COL14A1: variants seen among roughly 807,000 people sequenced by gnomAD.
COL14A1 encodes the protein collagen alpha-1(XIV) chain.
COL14A1 carries 136 observed loss-of-function variants against 230.3 expected under a neutral mutation model. That is an observed-to-expected ratio of 0.59 (90% CI 0.51 to 0.68). The LOEUF is 0.68. COL14A1 is among the 30% of genes least tolerant of loss of function. COL14A1 has a pLI of 0.00. For synonymous variants in COL14A1, 792 were observed against 784.1 expected, an observed-to-expected ratio of 1.01 and a Z score of -0.17; for missense variants, 1,976 against 2,215.8, an observed-to-expected ratio of 0.89 and a Z score of 2.17.
chr8:120,355,699 G>A (rs1335218929), intron 45 of COL14A1, among the ~76,000 whole-genome samples: 2 of 152,048 alleles, frequency 1.3e-5, no homozygotes, highest in Non-Finnish European at 2.9e-5. Context: ...GGGATTACAG[G>A]CATGATCCAC....
chr8:120,321,827 A>G (rs1277207207), intron 40 of COL14A1, among the ~76,000 whole-genome samples: 1 of 152,114 alleles, frequency 6.6e-6, no homozygotes, highest in African/African-American at 2.4e-5. Context: ...GTTTTAATAT[A>G]CAGATTCCTG....
At chr8:120,285,146 G>A (rs1423323401) in intron 32 of COL14A1, among the ~76,000 whole-genome samples, 3 of 151,964 alleles carry the variant, frequency 2.0e-5, no homozygotes, top group African/African-American at 7.2e-5. Flanking sequence ...GTTGGTTGCT[G>A]CAGTGGGTTA....
Position 120,315,995 on chromosome 8 carries a change from A to G in COL14A1, c.4657A>G (p.Arg1553Gly). Residue 1553 changes from arginine to glycine, a missense_variant and splice_region_variant, in exon 40 of 48, where the codon AGG becomes GGG. By Grantham distance (125) the Arg-to-Gly change is moderately radical (BLOSUM62 -2). This residue lies in a region of COL14A1 where 1,791 missense variants were observed against 2,019.5 expected (regional missense o/e 0.89). Coordinates refer to ENST00000297848, the MANE Select transcript of COL14A1 (RefSeq NM_021110.4). Reference sequence around the variant, plus strand: ...AGGACGTGATGGCTCACCAGGCCAGAGGGTAAGGTCTTGCCCAAGGTTGGT... The same window carrying G: ...AGGACGTGATGGCTCACCAGGCCAGGGGGTAAGGTCTTGCCCAAGGTTGGT... ...SPGRDGSPGQRGLPGKDGSSG... is the reference protein window; with the variant it reads ...SPGRDGSPGQGGLPGKDGSSG... The G allele has an allele frequency of 6.2e-7, 1 of 1,614,074 alleles. No individual in the cohort carries two copies. Among genetic ancestry groups the G allele is most frequent in the Non-Finnish European group, 8.5e-7 (1 of 1,179,976 alleles).
At chr8:120,172,654 C>G (rs1323081189) in intron 5 of COL14A1, among the ~76,000 whole-genome samples, 1 of 152,128 alleles carries the variant, frequency 6.6e-6, no homozygotes, top group African/African-American at 2.4e-5. Flanking sequence ...ATACTCAGGG[C>G]TTGGTTACAA....
At chr8:120,281,096 G>A (rs777181510) in intron 31 of COL14A1, 37 bp downstream of exon 31, 3 of 1,568,556 alleles carry the variant, frequency 1.9e-6, no homozygotes, top group South Asian at 1.2e-5. Context: ...GTCATCGTAT[G>A]TTTATTATAT....
chr8:120,251,304 G>A (rs1449205625), intron 22 of COL14A1, among the ~76,000 whole-genome samples: 3 of 152,282 alleles, frequency 2.0e-5, no homozygotes, highest in Non-Finnish European at 2.9e-5. Context: ...GAAAATCTGT[G>A]TTGGCATTTT....
chr8:120,165,900 A>G (rs981572087), intron 4 of COL14A1, among the ~76,000 whole-genome samples: 2 of 152,126 alleles, frequency 1.3e-5, no homozygotes, highest in African/African-American at 4.8e-5. Context: ...AAGGTCTTTA[A>G]TGGGGTCCAG....
At chr8:120,150,619 T>G (rs1031523664) in intron 2 of COL14A1, among the ~76,000 whole-genome samples, 1 of 152,074 alleles carries the variant, frequency 6.6e-6, no homozygotes, top group Non-Finnish European at 1.5e-5. Context: ...AGCCAATAGT[T>G]CTCTCTTTAG....
At chr8:120,142,039 G>A (rs548657057) in intron 1 of COL14A1, among the ~76,000 whole-genome samples, 1 of 152,112 alleles carries the variant, frequency 6.6e-6, no homozygotes, top group East Asian at 1.9e-4. Flanking sequence ...GGCCAGGGAT[G>A]TCTAATGTAA....
chr8:120,131,626 A>G (rs541615582), intron 1 of COL14A1, among the ~76,000 whole-genome samples: 10 of 152,184 alleles, frequency 6.6e-5, no homozygotes, highest in Non-Finnish European at 7.4e-5. Context: ...TGTTGGGTCC[A>G]TACTTTGCAA....
In COL14A1 at chr8:120,262,987, C is replaced by T; in HGVS notation, c.2989C>T (p.Pro997Ser). Reference sequence around the variant, plus strand: ...TACAAAGCTCCAGGAGATTGAAGGACCTAGTGTGAGCATAATGGAAAAAAC... The same window carrying T: ...TACAAAGCTCCAGGAGATTGAAGGATCTAGTGTGAGCATAATGGAAAAAAC... ...VYTKLQEIEG[P>S]SVSIMEKTQS... Residue 997 changes from proline to serine, a missense_variant, in exon 24 of 48, where the codon CCT becomes TCT. Around this residue, in one of 3 missense-constraint regions of COL14A1, gnomAD observed 1,791 missense variants for 2,019.5 expected, o/e 0.89. Coordinates refer to ENST00000297848, the MANE Select transcript of COL14A1 (RefSeq NM_021110.4). 6.2e-7 allele frequency: 1 copy of T among 1,611,732 alleles called. No homozygotes were observed. The highest frequency in any genetic ancestry group is 8.5e-7 in the Non-Finnish European group (1 of 1,179,258).
At chr8:120,300,454 T>G (rs1820676336) in intron 35 of COL14A1, among the ~76,000 whole-genome samples, 1 of 152,110 alleles carries the variant, frequency 6.6e-6, no homozygotes, top group African/African-American at 2.4e-5. Flanking sequence ...TCAAGATTTT[T>G]TTTTTGTTGC....
At chr8:120,246,044 T>C (rs1446524023) in intron 20 of COL14A1, among the ~76,000 whole-genome samples, 2 of 152,146 alleles carry the variant, frequency 1.3e-5, no homozygotes, top group Non-Finnish European at 2.9e-5. Flanking sequence ...AATGGTGACA[T>C]GTGGTTAGGT....
Position 120,225,693 on chromosome 8 carries a change from A to T in COL14A1, c.1864+479A>T, listed in dbSNP as rs566469063. Among the ~76,000 whole-genome samples the T allele has an allele frequency of 2.0e-5, 3 of 152,248 alleles. No homozygotes were observed. The East Asian group carries it at 5.8e-4, about 29-fold the overall frequency. On this transcript the variant is annotated intron_variant, in intron 15 of 47. Coordinates refer to ENST00000297848, the MANE Select transcript of COL14A1 (RefSeq NM_021110.4). Reference sequence around the variant, plus strand: ...TATAATAATAAGTAATATTTTAAACACTAAAATTAAATATAAGACATGAAT... The same window carrying T: ...TATAATAATAAGTAATATTTTAAACTCTAAAATTAAATATAAGACATGAAT...
At chr8:120,350,655 G>T (rs915833416) in intron 45 of COL14A1, among the ~76,000 whole-genome samples, 10 of 147,568 alleles carry the variant, frequency 6.8e-5, no homozygotes, top group East Asian at 4.0e-4. Context: ...ATTACATAAT[G>T]GTAAAGGGAT....
At chr8:120,191,186 C>T (rs1453099170) in intron 5 of COL14A1, among the ~76,000 whole-genome samples, 1 of 138,786 alleles carries the variant, frequency 7.2e-6, no homozygotes, top group African/African-American at 2.8e-5. Flanking sequence ...GCATTTAGTG[C>T]TATAAATTTC....
chr8:120,196,166 CA>C (rs1356619698), intron 5 of COL14A1, among the ~76,000 whole-genome samples: 1 of 152,170 alleles, frequency 6.6e-6, no homozygotes, highest in African/African-American at 2.4e-5. Context: ...TCTTTAGGAG[CA>C]AAATTTACTG....
intron 37 of COL14A1, among the ~76,000 whole-genome samples, chr8:120,313,097 C>T (rs953426475): frequency 5.9e-5 from 9 of 152,202 alleles, no homozygotes; most frequent in South Asian, 2.1e-4. Context: ...TGGTGGCTCA[C>T]GCCTGTAGTT....
chr8:120,354,406 A>G (rs928973862), intron 45 of COL14A1, among the ~76,000 whole-genome samples: 6 of 149,880 alleles, frequency 4.0e-5, no homozygotes, highest in Admixed American at 6.6e-5. Context: ...AAAAAAAAAA[A>G]AAAGAAAAAC....
Sources: gnomAD v4.1 joint callset for allele counts (sites outside exome capture counted in the v4.1 genomes callset) on GRCh38, gnomAD v4.1.1 for gene constraint, gnomAD v4.1.1 regional missense constraint, MANE v1.5 for transcripts, NCBI Gene and HGNC (gene_info 2026-07-23, HGNC 2026-07-21) for gene names.